Variants in SUGT1 observed in about 807,000 individuals in gnomAD.
SUGT1 encodes the protein protein SGT1 homolog.
A neutral mutation model predicts 56.1 loss-of-function variants in SUGT1; 15 were observed. The ratio of observed to expected loss-of-function variants is 0.27; its 90% confidence interval spans 0.18 to 0.41. The LOEUF (loss-of-function observed/expected upper bound fraction) is 0.41. SUGT1 is among the 10% of genes least tolerant of loss of function. The pLI is 1.00. For missense variants in SUGT1, 347 were observed against 382.2 expected (o/e 0.91, Z 0.77); for synonymous variants, 123 against 128.6 (o/e 0.96, Z 0.30).
intron 12 of SUGT1, among the ~76,000 whole-genome samples, chr13:52,684,272 C>A (rs947025825): frequency 6.6e-6 from 1 of 151,930 alleles, no homozygotes; most frequent in Non-Finnish European, 1.5e-5. Flanking sequence ...TAATTTGTGT[C>A]TTTTCTCTTT....
At chr13:52,663,199 G>C in intron 7 of SUGT1, 87 bp downstream of exon 7, 1 of 1,354,958 alleles carries the variant, frequency 7.4e-7, no homozygotes, top group Non-Finnish European at 1.0e-6. Flanking sequence ...AGGATGAGCT[G>C]TCTGATATTT....
At chr13:52,676,775 A>G (rs975070465) in intron 11 of SUGT1, among the ~76,000 whole-genome samples, 1 of 152,152 alleles carries the variant, frequency 6.6e-6, no homozygotes, top group Admixed American at 6.6e-5. Flanking sequence ...TATCTACCCC[A>G]TTTCTTATTG....
At position 52,659,247 on chromosome 13, in the gene SUGT1, A is replaced by G. The variant is rs1962311104; in HGVS notation, c.326A>G (p.Asp109Gly). 1.4e-6 allele frequency: 2 copies of G among 1,463,914 alleles called. No homozygotes were observed. The highest frequency in any genetic ancestry group is 1.8e-6 in the Non-Finnish European group (2 of 1,105,134). The allele number at this position is 1,463,914 out of a possible 1,614,324, so 90.7% of individuals were successfully genotyped here. A position where few individuals can be genotyped will look rare whatever the true frequency, so the allele number is the denominator to read the frequency against. The change falls in exon 5 of 13, where the codon GAT becomes GGT. Residue 109 changes from aspartate (D) to glycine (G), a missense_variant and splice_region_variant. Coordinates refer to ENST00000310528, the MANE Select transcript of SUGT1 (RefSeq NM_006704.5). The stretch of plus-strand genomic sequence containing the variant: ...ACTTTTACAGAAGGACAAAAATTAG[A>G]TAGTAAGTATTAAAAATTATACTTT... ...LETFTEGQKLDSADANFSVWI... is the reference protein window; with the variant it reads ...LETFTEGQKLGSADANFSVWI...
intron 6 of SUGT1, 77 bp from the exon 7 acceptor site, chr13:52,663,019 G>A: frequency 1.3e-6 from 2 of 1,488,880 alleles, no homozygotes; most frequent in South Asian, 1.2e-5. Flanking sequence ...GTATGTTTGT[G>A]CTATAGAAAT....
chr13:52,663,712 A>G (rs1009316022), intron 7 of SUGT1, among the ~76,000 whole-genome samples: 1 of 152,198 alleles, frequency 6.6e-6, no homozygotes, highest in Non-Finnish European at 1.5e-5. Context: ...AGAACTGGCC[A>G]TTTTATATAA....
rs1964013615 is a variant in SUGT1 at position 52,699,058 on chromosome 13, C to T, written c.*11223C>T. On this transcript the variant is annotated 3_prime_UTR_variant, in exon 13 of 13. Transcript: ENST00000310528. ...ACAGAAGTGAGATTAGCACTAATCACCTCTAATGCCTTATTTCCAGTAAAG... is the reference window on the plus strand; with the variant it reads ...ACAGAAGTGAGATTAGCACTAATCATCTCTAATGCCTTATTTCCAGTAAAG... The T allele has an allele frequency of 6.6e-6, 1 of 152,116 alleles. No homozygotes were observed. The highest frequency in any genetic ancestry group is 1.5e-5 in the Non-Finnish European group (1 of 68,016). 9.4% of individuals were successfully genotyped at this position (152,116 alleles called of 1,614,324 possible).
At chr13:52,676,194 C>T (rs1462875358) in intron 10 of SUGT1, 36 bp from the exon 11 acceptor site, 9 of 1,536,586 alleles carry the variant, frequency 5.9e-6, no homozygotes, top group African/African-American at 1.4e-5. Flanking sequence ...GTGTATTTTA[C>T]GTCGAGTAAT....
At chr13:52,678,249 T>A (rs753941551) in intron 11 of SUGT1, among the ~76,000 whole-genome samples, 22 of 151,974 alleles carry the variant, frequency 1.4e-4, no homozygotes, top group Non-Finnish European at 2.8e-4. Context: ...AGAAGGAAGG[T>A]GGATAGGATT....
chr13:52,660,561 A>G (rs1214168321), intron 5 of SUGT1, among the ~76,000 whole-genome samples: 1 of 152,176 alleles, frequency 6.6e-6, no homozygotes, highest in East Asian at 1.9e-4. Context: ...ACCTATTCAG[A>G]AAAAAGGATT....
At chr13:52,668,830 C>CA (rs56742664) in intron 10 of SUGT1, among the ~76,000 whole-genome samples, 14,396 of 78,620 alleles carry the variant, frequency 0.18, 945 homozygotes, top group African/African-American at 0.3. Context: ...GACTCTGTCT[C>CA]AAAAAAAAAA....
At chr13:52,661,894 TTTATC>T (rs1456583856) in intron 5 of SUGT1, among the ~76,000 whole-genome samples, 1 of 152,184 alleles carries the variant, frequency 6.6e-6, no homozygotes, top group South Asian at 2.1e-4. Context: ...GATTTTCAAA[TTTATC>T]TTGTCTGCAG....
chr13:52,653,365 A>G (rs1962006856), intron 2 of SUGT1, among the ~76,000 whole-genome samples: 1 of 130,884 alleles, frequency 7.6e-6, no homozygotes, highest in Non-Finnish European at 1.6e-5. Context: ...CATGGTTGGC[A>G]TTTGTAGTTT....
intron 10 of SUGT1, among the ~76,000 whole-genome samples, chr13:52,675,093 A>G (rs1963091335): frequency 6.6e-6 from 1 of 152,156 alleles, no homozygotes; most frequent in Admixed American, 6.5e-5. Context: ...TATGCTCTGG[A>G]GACCTACCCC....
chr13:52,681,303 A>C (rs1963364451), intron 12 of SUGT1, among the ~76,000 whole-genome samples: 1 of 151,116 alleles, frequency 6.6e-6, no homozygotes, highest in African/African-American at 2.4e-5. Flanking sequence ...CTGTGGTCTT[A>C]GCTACTTGGG....
rs116740272 is a variant in SUGT1 at position 52,655,599 on chromosome 13, C to T, written c.97-1933C>T. Reference sequence around the variant, plus strand: ...GTGAGTTGTTTTATGTAAAATGCACCGGACTTGGTGACGATTAGAATATAA... The same window carrying T: ...GTGAGTTGTTTTATGTAAAATGCACTGGACTTGGTGACGATTAGAATATAA... On this transcript the variant is annotated intron_variant, in intron 2 of 12. Transcript: ENST00000310528. 2.8e-3 allele frequency among the ~76,000 whole-genome samples: 421 copies of T among 152,104 alleles called. 2 individuals are homozygous for T. Among genetic ancestry groups the T allele is most frequent in the African/African-American group, 9.8e-3 (405 of 41,496 alleles).
At chr13:52,668,735 C>T (rs891385509) in intron 10 of SUGT1, among the ~76,000 whole-genome samples, 1 of 150,262 alleles carries the variant, frequency 6.7e-6, no homozygotes, top group African/African-American at 2.5e-5. Context: ...ATGAATTTGA[C>T]TTTTTTTGGT....
At chr13:52,660,886 A>C (rs992625559) in intron 5 of SUGT1, among the ~76,000 whole-genome samples, 1 of 152,164 alleles carries the variant, frequency 6.6e-6, no homozygotes, top group South Asian at 2.1e-4. Context: ...GGGTCACTGC[A>C]GCCTCCACCT....
At chr13:52,667,064 A>G (rs1962737263) in intron 10 of SUGT1, 145 bp downstream of exon 10, 1 of 588,596 alleles carries the variant, frequency 1.7e-6, no homozygotes, top group Non-Finnish European at 2.9e-6. Context: ...ACTTTTGAGT[A>G]TAAGGGTTAT....
At chr13:52,656,943 T>A (rs949673727) in intron 2 of SUGT1, among the ~76,000 whole-genome samples, 3 of 152,220 alleles carry the variant, frequency 2.0e-5, no homozygotes, top group African/African-American at 7.2e-5. Flanking sequence ...TCTCTAATGT[T>A]AACTCTTGGT....
Sources: gnomAD v4.1 joint callset for allele counts (sites outside exome capture counted in the v4.1 genomes callset) on GRCh38, gnomAD v4.1.1 for gene constraint, MANE v1.5 for transcripts, NCBI Gene and HGNC (gene_info 2026-07-23, HGNC 2026-07-21) for gene names.